PIKFYVE: variants seen among roughly 807,000 people sequenced by gnomAD.
PIKFYVE encodes the protein 1-phosphatidylinositol 3-phosphate 5-kinase.
Under a neutral mutation model 257.9 loss-of-function variants are expected in PIKFYVE, and 122 were observed. That is an observed-to-expected ratio of 0.47 (90% CI 0.41 to 0.55). PIKFYVE has a LOEUF of 0.55. PIKFYVE is among the 20% of genes least tolerant of loss of function. The pLI, the probability that PIKFYVE is intolerant of heterozygous loss-of-function variation, is 0.00. For missense variants in PIKFYVE, 2,160 were observed against 2,536.6 expected (o/e 0.85, Z 3.19); for synonymous variants, 892 against 868.9 (o/e 1.03, Z -0.47).
At chr2:208,351,093 A>T in intron 37 of PIKFYVE, 146 bp downstream of exon 37, 1 of 1,186,672 alleles carries the variant, frequency 8.4e-7, no homozygotes, top group Admixed American at 2.3e-5. Flanking sequence ...AGTTTTATTT[A>T]GTAGTTTTAA....
chr2:208,285,608 C>A, intron 5 of PIKFYVE, 118 bp from the exon 6 acceptor site: 1 of 824,338 alleles, frequency 1.2e-6, no homozygotes, highest in Non-Finnish European at 2.1e-6. Context: ...TACTTGAAGA[C>A]ATTTCCGTTA....
In PIKFYVE at chr2:208,336,035, G is replaced by T; in HGVS notation, c.4366-11G>T. On this transcript the variant is annotated splice_polypyrimidine_tract_variant and intron_variant, in intron 26 of 41. Transcript: ENST00000264380. ...GTGTCTGTCTCCTGAAGTTGTTTCT[G>T]TTCCTTGTAGATGGAAGAAGGTGAG... 2.5e-6 allele frequency: 4 copies of T among 1,614,020 alleles called. No individual in the cohort carries two copies. Among genetic ancestry groups the T allele is most frequent in the Non-Finnish European group, 3.4e-6 (4 of 1,179,938 alleles).
At chr2:208,350,184 G>A (rs186950674) in intron 36 of PIKFYVE, 101 bp downstream of exon 36, 318 of 1,506,944 alleles carry the variant, frequency 2.1e-4, no homozygotes, top group Non-Finnish European at 2.8e-4. Flanking sequence ...AAATGTCCCA[G>A]TTCTTGAAAT....
chr2:208,329,397 A>G (rs73060414), intron 21 of PIKFYVE, among the ~76,000 whole-genome samples: 233 of 152,286 alleles, frequency 1.5e-3, no homozygotes, highest in African/African-American at 5.4e-3. Context: ...TATATAGCCA[A>G]ACTGTCTTGT....
intron 10 of PIKFYVE, among the ~76,000 whole-genome samples, chr2:208,303,021 G>A (rs549815791): frequency 6.6e-6 from 1 of 152,264 alleles, no homozygotes; most frequent in South Asian, 2.1e-4. Context: ...GGTGGAGCTT[G>A]CAGTGAGCCG....
Position 208,304,218 on chromosome 2 carries a change from C to A in PIKFYVE, c.1368C>A (p.Asn456Lys). 6.2e-7 allele frequency: 1 copy of A among 1,614,080 alleles called. No homozygotes were observed. The highest frequency in any genetic ancestry group is 2.2e-5 in the East Asian group (1 of 44,874). ...ETPSPDSDSV[N>K]SVEGHSEPSW... ...CTTCTCCCGACAGTGACTCAGTGAA[C>A]TCCGTGGAAGGACACTCTGAGCCAT... The change falls in exon 11 of 42, where the codon AAC becomes AAA. Residue 456 changes from asparagine (N) to lysine (K), a missense_variant. Coordinates refer to ENST00000264380, the MANE Select transcript of PIKFYVE (RefSeq NM_015040.4).
At chr2:208,286,722 T>G (rs1336623596) in intron 6 of PIKFYVE, among the ~76,000 whole-genome samples, 1 of 151,556 alleles carries the variant, frequency 6.6e-6, no homozygotes, top group East Asian at 1.9e-4. Context: ...GGTCTTGCCA[T>G]GTTGACCAGG....
In PIKFYVE at chr2:208,330,376, T is replaced by C. The variant is rs909695633; in HGVS notation, c.3792-147T>C. 7 of 891,164 alleles carry C rather than the reference T, an allele frequency of 7.9e-6. No individual in the cohort carries two copies. In the African/African-American group the frequency reaches 1.2e-4, roughly 15 times the overall value. 55.2% of individuals were successfully genotyped at this position (891,164 alleles called of 1,614,324 possible). ...GCTTAACAAATGGAAACTATCACCG[T>C]GCTGTAGCTGAAGACGATGTTCAGC... On this transcript the variant is annotated intron_variant, in intron 22 of 41. Coordinates refer to ENST00000264380, the MANE Select transcript of PIKFYVE (RefSeq NM_015040.4).
chr2:208,301,972 C>G (rs1003225984), intron 9 of PIKFYVE, among the ~76,000 whole-genome samples: 3 of 152,094 alleles, frequency 2.0e-5, no homozygotes, highest in African/African-American at 7.2e-5. Flanking sequence ...GTTGTGCGTG[C>G]ATTGAATACT....
chr2:208,306,924 C>T (rs868191784), intron 12 of PIKFYVE, among the ~76,000 whole-genome samples: 35 of 152,176 alleles, frequency 2.3e-4, no homozygotes, highest in Admixed American at 7.2e-4. Context: ...ATTACCAGTG[C>T]GCACCACCAT....
Position 208,350,952 on chromosome 2 carries a change from G to A in PIKFYVE, c.5611+5G>A. The A allele has an allele frequency of 1.2e-6, 2 of 1,614,108 alleles. No homozygotes were observed. Among genetic ancestry groups the A allele is most frequent in the Non-Finnish European group, 1.7e-6 (2 of 1,180,020 alleles). Reference sequence around the variant, plus strand: ...CTGCCTTCTATGCAACTGAGGGTGAGCCTTTCTCATCGTTTATTGATTGGT... The same window carrying A: ...CTGCCTTCTATGCAACTGAGGGTGAACCTTTCTCATCGTTTATTGATTGGT... On this transcript the variant is annotated splice_donor_5th_base_variant and intron_variant, in intron 37 of 41. Coordinates refer to ENST00000264380, the MANE Select transcript of PIKFYVE (RefSeq NM_015040.4).
chr2:208,317,163 C>A (rs1204540847), intron 15 of PIKFYVE, among the ~76,000 whole-genome samples: 2 of 151,376 alleles, frequency 1.3e-5, no homozygotes, highest in Admixed American at 1.3e-4. Flanking sequence ...AGCTTCTGCA[C>A]AGCAAAAGAA....
intron 3 of PIKFYVE, 82 bp downstream of exon 3, chr2:208,273,815 G>C: frequency 1.3e-6 from 2 of 1,543,714 alleles, no homozygotes; most frequent in South Asian, 1.1e-5. Context: ...GTTTATAGCA[G>C]GACTTAACTT....
chr2:208,324,377 T>C lies in PIKFYVE; in HGVS notation c.2331+95T>C. The C allele has an allele frequency of 7.5e-6, 10 of 1,337,646 alleles. No homozygotes were observed. The South Asian group carries it at 1.1e-4, about 15-fold the overall frequency. The allele number at this position is 1,337,646 out of a possible 1,614,324, so 82.9% of individuals were successfully genotyped here. A position where few individuals can be genotyped will look rare whatever the true frequency, so the allele number is the denominator to read the frequency against. On this transcript the variant is annotated intron_variant, in intron 18 of 41. Transcript: ENST00000264380. ...AGGTATACAAGAATCTTTTTTTCTT[T>C]GCTGTTCTATTTGTATTGAAAGTGG...
chr2:208,346,416 G>A (rs1362380249), intron 34 of PIKFYVE, among the ~76,000 whole-genome samples: 1 of 152,166 alleles, frequency 6.6e-6, no homozygotes, highest in Non-Finnish European at 1.5e-5. Context: ...CTGCTTCCTA[G>A]AAGAGCTTTC....
chr2:208,350,131 T>C, intron 36 of PIKFYVE, 48 bp downstream of exon 36: 1 of 1,604,818 alleles, frequency 6.2e-7, no homozygotes, highest in Non-Finnish European at 8.5e-7. Context: ...GGACTACAGT[T>C]GAGCCATCTC....
chr2:208,310,773 A>G (rs1361455953), intron 12 of PIKFYVE, among the ~76,000 whole-genome samples: 1 of 152,334 alleles, frequency 6.6e-6, no homozygotes, highest in Middle Eastern at 3.4e-3. Flanking sequence ...TTAAAAGAGA[A>G]TGAAGAGATA....
At chr2:208,337,049 A>C (rs1574696178) in intron 28 of PIKFYVE, 121 bp downstream of exon 28, 5 of 747,218 alleles carry the variant, frequency 6.7e-6, no homozygotes, top group Non-Finnish European at 1.1e-5. Flanking sequence ...AGGGTTTTCC[A>C]TTTTGAATTT....
At chr2:208,319,615 C>T (rs1021022696) in intron 16 of PIKFYVE, among the ~76,000 whole-genome samples, 2 of 152,112 alleles carry the variant, frequency 1.3e-5, no homozygotes, top group Non-Finnish European at 2.9e-5. Context: ...GAACTGTTTG[C>T]CAGTTTGGGG....
Sources: gnomAD v4.1 joint callset for allele counts (sites outside exome capture counted in the v4.1 genomes callset) on GRCh38, gnomAD v4.1.1 for gene constraint, MANE v1.5 for transcripts, NCBI Gene and HGNC (gene_info 2026-07-23, HGNC 2026-07-21) for gene names.